ODAD2: variants seen among roughly 807,000 people sequenced by gnomAD.
The protein encoded by ODAD2 is outer dynein arm docking complex subunit 2.
ODAD2 carries 89 observed loss-of-function variants against 106.8 expected under a neutral mutation model. The ratio of observed to expected loss-of-function variants is 0.83; its 90% CI spans 0.70 to 0.99. ODAD2 has a LOEUF of 0.99. Among genes scored for constraint, ODAD2 ranks in the 50% least tolerant of loss-of-function variants. ODAD2 has a pLI of 0.00. For missense variants in ODAD2, 1,168 were observed against 1,238.5 expected, an observed-to-expected ratio of 0.94 and a Z score of 0.85; for synonymous variants, 404 against 436.2, an observed-to-expected ratio of 0.93 and a Z score of 0.92.
In ODAD2 at chr10:27,971,099, T is replaced by C. The variant is rs748678319; in HGVS notation, c.1142+9A>G. ...CTGCATCTGAAAACAAATGCAAATA[T>C]CTACATACCCTTTGTAATTAACAGT... is the stretch of plus-strand genomic sequence containing the variant. On this transcript the variant is annotated intron_variant, in intron 8 of 19. Transcript: ENST00000305242. The C allele has an allele frequency of 6.3e-7, 1 of 1,597,892 alleles. No homozygotes were observed. Among genetic ancestry groups the C allele is most frequent in the South Asian group, 1.1e-5 (1 of 88,492 alleles).
chr10:27,900,215 G>A (rs866672152), intron 17 of ODAD2, among the ~76,000 whole-genome samples: 1 of 152,168 alleles, frequency 6.6e-6, no homozygotes. Context: ...CAGACCTGCA[G>A]CAGAGAGTCC....
chr10:27,874,509 T>G (rs886750389), intron 17 of ODAD2, among the ~76,000 whole-genome samples: 1 of 152,174 alleles, frequency 6.6e-6, no homozygotes, highest in African/African-American at 2.4e-5. Flanking sequence ...TTCCTTTCCA[T>G]GTTTAGTGCT....
intron 16 of ODAD2, among the ~76,000 whole-genome samples, chr10:27,910,823 T>C (rs751520156): frequency 3.3e-5 from 5 of 152,124 alleles, no homozygotes; most frequent in Non-Finnish European, 7.4e-5. Context: ...GGGGAAGTTA[T>C]GTTCTATCAA....
chr10:27,949,040 C>T (rs1485664006), intron 10 of ODAD2, among the ~76,000 whole-genome samples: 1 of 151,950 alleles, frequency 6.6e-6, no homozygotes, highest in Non-Finnish European at 1.5e-5. Flanking sequence ...GCAAGTATTA[C>T]CCTGTTTGGT....
intron 19 of ODAD2, among the ~76,000 whole-genome samples, chr10:27,842,570 T>G (rs1263778171): frequency 6.6e-6 from 1 of 152,192 alleles, no homozygotes; most frequent in Non-Finnish European, 1.5e-5. Context: ...GATTAATTTA[T>G]TAAACAGAAA....
chr10:27,884,594 A>G (rs1841950162), intron 17 of ODAD2, among the ~76,000 whole-genome samples: 1 of 152,068 alleles, frequency 6.6e-6, no homozygotes, highest in Non-Finnish European at 1.5e-5. Context: ...CAGAGCTCAG[A>G]CAGAACACCA....
chr10:27,866,006 A>G (rs1840411241), intron 17 of ODAD2, among the ~76,000 whole-genome samples: 1 of 152,230 alleles, frequency 6.6e-6, no homozygotes, highest in Admixed American at 6.5e-5. Context: ...AAAATAGTTA[A>G]TTGCCATTCT....
intron 10 of ODAD2, 58 bp from the exon 11 acceptor site, chr10:27,945,020 A>G: frequency 6.3e-7 from 1 of 1,585,712 alleles, no homozygotes; most frequent in Non-Finnish European, 8.6e-7. Context: ...ATAGAAATGC[A>G]CTAAGTAGTT....
intron 16 of ODAD2, among the ~76,000 whole-genome samples, chr10:27,924,010 GAAA>G (rs1564509302): frequency 1.6e-3 from 180 of 111,456 alleles, no homozygotes; most frequent in Non-Finnish European, 2.2e-3. Context: ...AAGAAAGAAA[GAAA>G]GAAAGAAAGA....
chr10:27,963,416 GA>G (rs377540384), intron 9 of ODAD2, among the ~76,000 whole-genome samples: 4 of 151,734 alleles, frequency 2.6e-5, no homozygotes, highest in South Asian at 4.2e-4. Context: ...ATTAAGAGGA[GA>G]AAAAAAATCA....
chr10:27,985,272 A>AG lies in ODAD2; in HGVS notation c.383-62_383-61insC, dbSNP rs754339970. ...TATCCACTTGTCTTCTAGTACAACAAACATTAAGACTAATAAATCCTTCAA... is the reference window on the plus strand; with the variant it reads ...TATCCACTTGTCTTCTAGTACAACAAGACATTAAGACTAATAAATCCTTCAA... On this transcript the variant is annotated intron_variant, in intron 3 of 19. Transcript: ENST00000305242. 3,847 of 1,303,920 alleles carry AG rather than the reference A, an allele frequency of 3.0e-3. 18 individuals carry two copies. Among genetic ancestry groups the AG allele is most frequent in the Middle Eastern group, 3.6e-3 (13 of 3,634 alleles). The allele number at this position is 1,303,920 out of a possible 1,614,324, so 80.8% of individuals were successfully genotyped here. A position where few individuals can be genotyped will look rare whatever the true frequency, so the allele number is the denominator to read the frequency against.
At position 27,951,471 on chromosome 10, in the gene ODAD2, T is replaced by G. The variant is rs190512462; in HGVS notation, c.1387-6509A>C. Among the ~76,000 whole-genome samples, 7 of 152,254 alleles carry G rather than the reference T, an allele frequency of 4.6e-5. No homozygotes were observed. In the East Asian group the frequency reaches 1.4e-3, roughly 29 times the overall value. Reference sequence around the variant, plus strand: ...TCACGTGTGAGACTGCAGAATTTGATGAAGGTGGTATCCCAGATTATTGGA... The same window carrying G: ...TCACGTGTGAGACTGCAGAATTTGAGGAAGGTGGTATCCCAGATTATTGGA... On this transcript the variant is annotated intron_variant, in intron 10 of 19. Coordinates refer to ENST00000305242, the MANE Select transcript of ODAD2 (RefSeq NM_018076.5).
At chr10:27,827,379 CTATATATATATA>C (rs10580710) in intron 19 of ODAD2, among the ~76,000 whole-genome samples, 2,360 of 132,432 alleles carry the variant, frequency 0.018, 93 homozygotes, top group African/African-American at 0.064. Flanking sequence ...CACACACACA[CTATATATATATA>C]TATATATATA....
chr10:27,872,430 T>C (rs1647118260), intron 17 of ODAD2, among the ~76,000 whole-genome samples: 1 of 151,848 alleles, frequency 6.6e-6, no homozygotes, highest in African/African-American at 2.4e-5. Flanking sequence ...CCCTGTCTTG[T>C]GCCAGTTTTC....
At chr10:27,812,813 A>T (rs1167719457) in intron 19 of ODAD2, among the ~76,000 whole-genome samples, 188 bp from the exon 20 acceptor site, 1 of 152,238 alleles carries the variant, frequency 6.6e-6, no homozygotes, top group Non-Finnish European at 1.5e-5. Flanking sequence ...TTCCTCATGC[A>T]CTTCTTACCT....
chr10:27,987,309 TC>T, intron 3 of ODAD2, 76 bp downstream of exon 3: 3 of 1,320,328 alleles, frequency 2.3e-6, no homozygotes, highest in Non-Finnish European at 3.1e-6. Flanking sequence ...TAACAAATGA[TC>T]CTCCCACCCT....
At chr10:27,881,760 C>T (rs1022572600) in intron 17 of ODAD2, among the ~76,000 whole-genome samples, 1 of 152,100 alleles carries the variant, frequency 6.6e-6, no homozygotes, top group South Asian at 2.1e-4. Flanking sequence ...TTAGGAGCCT[C>T]AGAAATATAA....
chr10:27,941,301 T>C (rs554419051), intron 12 of ODAD2, among the ~76,000 whole-genome samples: 17 of 144,980 alleles, frequency 1.2e-4, no homozygotes, highest in African/African-American at 4.1e-4. Flanking sequence ...CTGAACAACA[T>C]AGCAAGATCC....
intron 17 of ODAD2, among the ~76,000 whole-genome samples, chr10:27,876,729 A>C (rs1841365918): frequency 6.6e-6 from 1 of 152,168 alleles, no homozygotes; most frequent in Non-Finnish European, 1.5e-5. Flanking sequence ...GCAAAATAGA[A>C]AGGAAAATAT....
Sources: allele counts gnomAD v4.1 joint callset (sites outside exome capture counted in the v4.1 genomes callset), GRCh38; gene constraint gnomAD v4.1.1; transcripts MANE v1.5; gene names NCBI Gene and HGNC (gene_info 2026-07-23, HGNC 2026-07-21).